PPP1R14C: variants seen among roughly 807,000 people sequenced by gnomAD.
PPP1R14C encodes the protein protein phosphatase 1 regulatory inhibitor subunit 14C.
Under a neutral mutation model 20.4 loss-of-function variants are expected in PPP1R14C, and 16 were observed. The ratio of observed to expected loss-of-function variants is 0.78; its 90% CI spans 0.53 to 1.19. The LOEUF (loss-of-function observed/expected upper bound fraction) is 1.19, where lower values mean the gene tolerates loss of function less well. Among genes scored for constraint, PPP1R14C ranks in the 50% most tolerant of loss-of-function variants. The pLI is 0.00. For missense variants in PPP1R14C, 211 were observed against 220.1 expected, an observed-to-expected ratio of 0.96 and a Z score of 0.26; for synonymous variants, 91 against 91.0, an observed-to-expected ratio of 1.00 and a Z score of 0.00.
At chr6:150,248,088 T>C (rs1235157141) in intron 3 of PPP1R14C, among the ~76,000 whole-genome samples, 1 of 152,166 alleles carries the variant, frequency 6.6e-6, no homozygotes, top group Non-Finnish European at 1.5e-5. Context: ...AGCTCAGGAC[T>C]TTCTTCTTCT....
intron 3 of PPP1R14C, among the ~76,000 whole-genome samples, chr6:150,234,934 T>G (rs1367503621): frequency 1.3e-5 from 2 of 150,542 alleles, no homozygotes; most frequent in Admixed American, 6.6e-5. Context: ...TCAGAAATAT[T>G]GAGTGAAAGA....
In PPP1R14C at chr6:150,215,514, G is replaced by A. The variant is rs375789721; in HGVS notation, c.390+687G>A. ...ATAATTACTGTTAATGACTGTTGGT[G>A]ACCACAAATGGCAAATGGCCACTAC... On this transcript the variant is annotated intron_variant, in intron 2 of 3. Transcript: ENST00000361131. Among the ~76,000 whole-genome samples, 45 of 152,236 alleles carry A rather than the reference G, an allele frequency of 3.0e-4. 2 individuals carry two copies. In the South Asian group the frequency reaches 3.7e-3, roughly 13 times the overall value.
intron 1 of PPP1R14C, among the ~76,000 whole-genome samples, chr6:150,177,703 T>C (rs1027308281): frequency 6.6e-6 from 1 of 152,208 alleles, no homozygotes; most frequent in African/African-American, 2.4e-5. Flanking sequence ...TCTTTTGTCC[T>C]TCTCGGAGAC....
chr6:150,203,007 T>G (rs1777897098), intron 1 of PPP1R14C, among the ~76,000 whole-genome samples: 2 of 152,256 alleles, frequency 1.3e-5, no homozygotes, highest in South Asian at 4.1e-4. Flanking sequence ...TTGGTTACAA[T>G]TGCTGAGACA....
At chr6:150,159,720 G>T (rs193103914) in intron 1 of PPP1R14C, among the ~76,000 whole-genome samples, 1 of 151,866 alleles carries the variant, frequency 6.6e-6, no homozygotes, top group Admixed American at 6.6e-5. Context: ...TCTGCAACAG[G>T]TTTTACCTGT....
In PPP1R14C at chr6:150,234,848, CAAAAAAAAAAAAAAAAAAA is replaced by C. The variant is rs56139981; in HGVS notation, c.424-13888_424-13870del. Among the ~76,000 whole-genome samples the C allele has an allele frequency of 3.1e-4, 13 of 41,838 alleles. No homozygotes were observed. The East Asian group carries it at 0.01, about 33-fold the overall frequency. The allele number at this position is 41,838 out of a possible 152,430, so 27.4% of individuals were successfully genotyped here. A position where few individuals can be genotyped will look rare whatever the true frequency, so the allele number is the denominator to read the frequency against. ...TGGGCGACAAAGTGAGACTCTGTCT[CAAAAAAAAAAAAAAAAAAA>C]AAAAAAAAAGGAATCAAACTGCGGA... is the stretch of plus-strand genomic sequence containing the variant. On this transcript the variant is annotated intron_variant, in intron 3 of 3. Coordinates refer to ENST00000361131, the MANE Select transcript of PPP1R14C (RefSeq NM_030949.3).
chr6:150,240,652 G>A (rs1371247894), intron 3 of PPP1R14C, among the ~76,000 whole-genome samples: 1 of 152,230 alleles, frequency 6.6e-6, no homozygotes, highest in Non-Finnish European at 1.5e-5. Flanking sequence ...GGACCTATCA[G>A]AAGTACTTTC....
chr6:150,198,929 A>G (rs1353385646), intron 1 of PPP1R14C, among the ~76,000 whole-genome samples: 2 of 152,118 alleles, frequency 1.3e-5, no homozygotes, highest in African/African-American at 4.8e-5. Context: ...GCCAGGAAGC[A>G]CAGCATGCAC....
chr6:150,228,077 G>T (rs931684673), intron 3 of PPP1R14C, among the ~76,000 whole-genome samples: 5 of 152,132 alleles, frequency 3.3e-5, no homozygotes, highest in African/African-American at 1.2e-4. Context: ...GAATTTTTAT[G>T]AATTGAGCAC....
chr6:150,165,218 C>G (rs952363386), intron 1 of PPP1R14C, among the ~76,000 whole-genome samples: 10 of 152,230 alleles, frequency 6.6e-5, no homozygotes, highest in Non-Finnish European at 1.0e-4. Context: ...TCACTATACT[C>G]CATCTTCATT....
intron 1 of PPP1R14C, among the ~76,000 whole-genome samples, chr6:150,177,543 C>T (rs1777576199): frequency 6.6e-6 from 1 of 152,166 alleles, no homozygotes; most frequent in Admixed American, 6.5e-5. Flanking sequence ...CCGGTGGTCA[C>T]AGATAGCCTT....
At chr6:150,206,006 A>G (rs940909478) in intron 1 of PPP1R14C, among the ~76,000 whole-genome samples, 2 of 152,010 alleles carry the variant, frequency 1.3e-5, no homozygotes, top group Admixed American at 6.6e-5. Flanking sequence ...TGCTCACGGT[A>G]CAAGTCAGAG....
At chr6:150,197,498 AGG>A (rs1321748111) in intron 1 of PPP1R14C, among the ~76,000 whole-genome samples, 1 of 152,228 alleles carries the variant, frequency 6.6e-6, no homozygotes, top group Non-Finnish European at 1.5e-5. Flanking sequence ...ATTAGTGAGA[AGG>A]GAACAGGTGG....
intron 3 of PPP1R14C, among the ~76,000 whole-genome samples, chr6:150,228,249 C>G (rs1582928737): frequency 6.6e-6 from 1 of 152,224 alleles, no homozygotes; most frequent in African/African-American, 2.4e-5. Context: ...AGTTAGGGAA[C>G]TGTCCAAAAG....
intron 3 of PPP1R14C, among the ~76,000 whole-genome samples, chr6:150,243,751 C>A (rs1298713086): frequency 6.6e-6 from 1 of 152,066 alleles, no homozygotes; most frequent in Non-Finnish European, 1.5e-5. Flanking sequence ...TTTATAATAG[C>A]CCCAAACTGG....
chr6:150,182,337 A>G (rs1777631296), intron 1 of PPP1R14C, among the ~76,000 whole-genome samples: 1 of 152,222 alleles, frequency 6.6e-6, no homozygotes, highest in African/African-American at 2.4e-5. Flanking sequence ...CTTGAACAAT[A>G]TAGATGTGTT....
rs529555432 is a variant in PPP1R14C, at chr6:150,143,647, C to G, written c.306+149C>G. The G allele has an allele frequency of 1.5e-4, 95 of 624,514 alleles. No homozygotes were observed. The African/African-American group carries it at 1.7e-3, about 11-fold the overall frequency. The allele number at this position is 624,514 out of a possible 1,614,324, so 38.7% of individuals were successfully genotyped here. The stretch of plus-strand genomic sequence containing the variant: ...GAGCGAGGCGCGGCGCCTTCTCTCC[C>G]CCGCGGTGCCCTCTGGCGTCGGGCT... On this transcript the variant is annotated intron_variant, in intron 1 of 3. Transcript: ENST00000361131. This position sits in a 1 kb window ranked among gnomAD's most constrained non-coding sequence, Gnocchi z 5.6.
chr6:150,210,344 C>A (rs192435103), intron 1 of PPP1R14C, among the ~76,000 whole-genome samples: 5 of 152,320 alleles, frequency 3.3e-5, no homozygotes, highest in African/African-American at 1.2e-4. Flanking sequence ...CTTTTCTTTC[C>A]CCCGATCCCT....
At chr6:150,247,960 G>A (rs897439948) in intron 3 of PPP1R14C, among the ~76,000 whole-genome samples, 62 of 152,152 alleles carry the variant, frequency 4.1e-4, no homozygotes, top group African/African-American at 1.4e-3. Context: ...GGTTTATTTA[G>A]CTCACAGTTC....
Sources: allele counts gnomAD v4.1 joint callset (sites outside exome capture counted in the v4.1 genomes callset), GRCh38; gene constraint gnomAD v4.1.1; non-coding constraint Gnocchi (gnomAD v3.1); transcripts MANE v1.5; gene names NCBI Gene and HGNC (gene_info 2026-07-23, HGNC 2026-07-21).